CACNA2D1: variants seen among roughly 807,000 people sequenced by gnomAD.
The protein encoded by CACNA2D1 is voltage-dependent calcium channel subunit alpha-2/delta-1.
A neutral mutation model predicts 171.5 loss-of-function variants in CACNA2D1; 53 were observed. The observed-to-expected ratio is 0.31, with a 90% CI of 0.25 to 0.39. CACNA2D1 has a LOEUF of 0.39. Among genes scored for constraint, CACNA2D1 ranks in the 10% least tolerant of loss-of-function variants. The pLI is 1.00. For missense variants in CACNA2D1, 903 were observed against 1,299.8 expected, an observed-to-expected ratio of 0.69 and a Z score of 4.69; for synonymous variants, 442 against 443.1, an observed-to-expected ratio of 1.00 and a Z score of 0.03.
chr7:82,060,196 ATAT>A lies in CACNA2D1; in HGVS notation c.879+229_879+231del, dbSNP rs1806583154. Among the ~76,000 whole-genome samples, 2 of 10,908 alleles carry A rather than the reference ATAT, an allele frequency of 1.8e-4. 1 individual carries two copies. Among genetic ancestry groups the A allele is most frequent in the African/African-American group, 3.4e-4 (2 of 5,884 alleles). The allele number at this position is 10,908 out of a possible 152,430, so 7.2% of individuals were successfully genotyped here. On this transcript the variant is annotated intron_variant, in intron 10 of 38. Coordinates refer to ENST00000356860, the MANE Select transcript of CACNA2D1 (RefSeq NM_000722.4). Reference sequence around the variant, plus strand: ...TATATATAATATATATATATTATATATATATTATATATATAATATATATATAAT... The same window carrying A: ...TATATATAATATATATATATTATATAATTATATATATAATATATATATAAT...
At chr7:82,126,041 T>A (rs1009574658) in intron 5 of CACNA2D1, among the ~76,000 whole-genome samples, 1 of 152,228 alleles carries the variant, frequency 6.6e-6, no homozygotes, top group Non-Finnish European at 1.5e-5. Context: ...CTGCCCTCTA[T>A]GATCCAGGAA....
chr7:82,228,356 G>A (rs1802570093), intron 3 of CACNA2D1, among the ~76,000 whole-genome samples: 3 of 152,098 alleles, frequency 2.0e-5, no homozygotes, highest in South Asian at 2.1e-4. Context: ...ACCTTGAGCC[G>A]AAGATCCTGT....
At chr7:82,201,148 T>C (rs2129205300) in intron 3 of CACNA2D1, among the ~76,000 whole-genome samples, 1 of 152,280 alleles carries the variant, frequency 6.6e-6, no homozygotes, top group South Asian at 2.1e-4. Flanking sequence ...GAGGTGTTTG[T>C]GACAGCAGTA....
chr7:82,336,993 T>A (rs949622872), intron 2 of CACNA2D1, among the ~76,000 whole-genome samples: 1 of 152,234 alleles, frequency 6.6e-6, no homozygotes, highest in South Asian at 2.1e-4. Context: ...ATTTATTAAG[T>A]CTCTACATAC....
intron 1 of CACNA2D1, among the ~76,000 whole-genome samples, chr7:82,395,185 CACA>C (rs971883955): frequency 1.0e-4 from 13 of 124,812 alleles, no homozygotes; most frequent in African/African-American, 4.7e-4. Context: ...ACACTAAAAA[CACA>C]ACATCAAATT....
chr7:82,048,412 A>G (rs945501920), intron 10 of CACNA2D1, among the ~76,000 whole-genome samples: 1 of 152,130 alleles, frequency 6.6e-6, no homozygotes, highest in Non-Finnish European at 1.5e-5. Context: ...AAAATTGCCA[A>G]TATTTTTATT....
chr7:81,981,341 A>G (rs1023237550), intron 24 of CACNA2D1, among the ~76,000 whole-genome samples: 1 of 152,218 alleles, frequency 6.6e-6, no homozygotes, highest in Admixed American at 6.5e-5. Context: ...ACACTGTCAA[A>G]GGACAGCGTG....
chr7:81,971,668 A>G, intron 26 of CACNA2D1, 109 bp downstream of exon 26: 2 of 705,972 alleles, frequency 2.8e-6, no homozygotes, highest in Non-Finnish European at 5.1e-6. Context: ...GAGAAATATT[A>G]AACATTATTA....
At position 81,947,339 on chromosome 7, in the gene CACNA2D1, T is replaced by TC. The variant is rs1233574055; in HGVS notation, c.*3052dup. 2.0e-5 allele frequency: 3 copies of TC among 151,324 alleles called. No individual in the cohort carries two copies. Among genetic ancestry groups the TC allele is most frequent in the African/African-American group, 2.4e-5 (1 of 41,276 alleles). The allele number at this position is 151,324 out of a possible 1,614,324, so 9.4% of individuals were successfully genotyped here. A position where few individuals can be genotyped will look rare whatever the true frequency, so the allele number is the denominator to read the frequency against. ...GAACACTGTTTTTTGTTTTTTTTTT[T>TC]CCCAAGTTAAGCAGTAACACCTCAA... On this transcript the variant is annotated 3_prime_UTR_variant, in exon 39 of 39. Coordinates refer to ENST00000356860, the MANE Select transcript of CACNA2D1 (RefSeq NM_000722.4).
chr7:82,274,417 G>A lies in CACNA2D1; in HGVS notation c.294+60718C>T, dbSNP rs202227054. The stretch of plus-strand genomic sequence containing the variant: ...AAACTTGCCTGTCTTGGTTACTACT[G>A]TATCCCTAGTTCCTAGAAATAGCAA... On this transcript the variant is annotated intron_variant, in intron 3 of 38. Transcript: ENST00000356860. 3.9e-5 allele frequency among the ~76,000 whole-genome samples: 6 copies of A among 152,204 alleles called. 1 individual carries two copies. Among genetic ancestry groups the A allele is most frequent in the Middle Eastern group, 6.8e-3 (2 of 294 alleles).
In CACNA2D1 at chr7:82,043,879, G is replaced by T. The variant is rs1316307435; in HGVS notation, c.880-5644C>A. On this transcript the variant is annotated intron_variant, in intron 10 of 38. Coordinates refer to ENST00000356860, the MANE Select transcript of CACNA2D1 (RefSeq NM_000722.4). The stretch of plus-strand genomic sequence containing the variant: ...AATGGCAACTAGAACACATCTTCTT[G>T]GAGTACCAAGTCTTCCTTTGAATGG... Among the ~76,000 whole-genome samples, 4 of 152,112 alleles carry T rather than the reference G, an allele frequency of 2.6e-5. No homozygotes were observed. In the East Asian group the frequency reaches 7.7e-4, roughly 29 times the overall value.
chr7:82,129,270 G>A (rs1790684625), intron 5 of CACNA2D1, among the ~76,000 whole-genome samples: 1 of 152,090 alleles, frequency 6.6e-6, no homozygotes, highest in South Asian at 2.1e-4. Context: ...AAACACTGCA[G>A]GCCTTCCAAA....
chr7:82,098,543 A>G (rs1812210857), intron 6 of CACNA2D1, among the ~76,000 whole-genome samples: 1 of 152,156 alleles, frequency 6.6e-6, no homozygotes, highest in Non-Finnish European at 1.5e-5. Flanking sequence ...CACTTGGAGA[A>G]TAAGCAATTT....
chr7:82,192,442 G>C (rs10239815), intron 3 of CACNA2D1, among the ~76,000 whole-genome samples: 12 of 146,998 alleles, frequency 8.2e-5, no homozygotes, highest in African/African-American at 3.1e-4. Flanking sequence ...CTGTGTGTGT[G>C]TGTATGTGTG....
intron 3 of CACNA2D1, among the ~76,000 whole-genome samples, chr7:82,218,505 G>A (rs554570426): frequency 2.6e-5 from 4 of 152,118 alleles, no homozygotes; most frequent in African/African-American, 9.6e-5. Context: ...AATATGTCCT[G>A]GTAAAAATAA....
At chr7:82,021,017 A>C (rs1310092229) in intron 12 of CACNA2D1, 1 of 152,146 alleles carries the variant, frequency 6.6e-6, no homozygotes, top group Non-Finnish European at 1.5e-5. Flanking sequence ...ACATATTTTC[A>C]TACTATGATA....
chr7:82,423,635 C>A (rs959241744), intron 1 of CACNA2D1, among the ~76,000 whole-genome samples: 2 of 152,282 alleles, frequency 1.3e-5, no homozygotes, highest in South Asian at 2.1e-4. Context: ...ATTACGATTA[C>A]TTTGAGGAAA....
intron 21 of CACNA2D1, among the ~76,000 whole-genome samples, chr7:81,988,597 A>G (rs1397349304): frequency 6.6e-6 from 1 of 152,204 alleles, no homozygotes; most frequent in Non-Finnish European, 1.5e-5. Flanking sequence ...CAGCCTACAT[A>G]TTAACTGTAT....
chr7:82,126,809 T>G (rs1016534095), intron 5 of CACNA2D1, among the ~76,000 whole-genome samples: 37 of 152,152 alleles, frequency 2.4e-4, no homozygotes, highest in Non-Finnish European at 4.7e-4. Context: ...CCTCCAATTT[T>G]AGTCAGTTGA....
Sources: gnomAD v4.1 joint callset for allele counts (sites outside exome capture counted in the v4.1 genomes callset) on GRCh38, gnomAD v4.1.1 for gene constraint, MANE v1.5 for transcripts, NCBI Gene and HGNC (gene_info 2026-07-23, HGNC 2026-07-21) for gene names.